TAF3: variants seen among roughly 807,000 people sequenced by gnomAD.
TAF3 encodes the protein transcription initiation factor TFIID subunit 3.
A neutral mutation model predicts 80.6 loss-of-function variants in TAF3; 7 were observed. The ratio of observed to expected loss-of-function variants is 0.09; its 90% CI spans 0.05 to 0.16. The LOEUF (loss-of-function observed/expected upper bound fraction) is 0.16, where lower values mean the gene tolerates loss of function less well. TAF3 is among the 10% of genes least tolerant of loss of function. The pLI, the probability that TAF3 is intolerant of heterozygous loss-of-function variation, is 1.00. For synonymous variants in TAF3, 444 were observed against 446.1 expected (o/e 1.00, Z 0.06); for missense variants, 921 against 1,140.2 (o/e 0.81, Z 2.77).
chr10:7,832,721 T>C, intron 2 of TAF3, among the ~76,000 whole-genome samples: 1 of 152,080 alleles, frequency 6.6e-6, no homozygotes, highest in East Asian at 1.9e-4. Flanking sequence ...GGCTAATTTT[T>C]GTGTTTTTAG....
chr10:7,956,667 T>A (rs1838138885), intron 2 of TAF3, among the ~76,000 whole-genome samples: 1 of 152,218 alleles, frequency 6.6e-6, no homozygotes, highest in African/African-American at 2.4e-5. Flanking sequence ...GCTGTGGTGA[T>A]GAATTTGTGC....
chr10:7,933,973 G>A (rs1837893150), intron 2 of TAF3, among the ~76,000 whole-genome samples: 1 of 152,170 alleles, frequency 6.6e-6, no homozygotes, highest in South Asian at 2.1e-4. Flanking sequence ...CTGCACACAT[G>A]CACCGAAACC....
chr10:7,864,972 G>A (rs948008093), intron 2 of TAF3, among the ~76,000 whole-genome samples: 17 of 152,152 alleles, frequency 1.1e-4, no homozygotes, highest in African/African-American at 4.1e-4. Flanking sequence ...CTGGGAGAAT[G>A]AATGTCAAAG....
intron 2 of TAF3, among the ~76,000 whole-genome samples, chr10:7,856,133 T>A (rs916783938): frequency 6.6e-6 from 1 of 152,080 alleles, no homozygotes; most frequent in Non-Finnish European, 1.5e-5. Flanking sequence ...GAAATTTTTT[T>A]AAAATGCAGT....
chr10:7,982,611 A>G (rs1006735605), intron 4 of TAF3, among the ~76,000 whole-genome samples: 9 of 152,078 alleles, frequency 5.9e-5, no homozygotes, highest in African/African-American at 1.4e-4. Flanking sequence ...TGTTGCCCAG[A>G]CTGGTCTCAA....
chr10:7,889,887 G>A (rs561561606), intron 2 of TAF3, among the ~76,000 whole-genome samples: 1 of 152,196 alleles, frequency 6.6e-6, no homozygotes, highest in South Asian at 2.1e-4. Flanking sequence ...AATGCCACAG[G>A]TCCTGTTCTC....
At chr10:7,885,377 T>G (rs892246272) in intron 2 of TAF3, among the ~76,000 whole-genome samples, 3 of 152,188 alleles carry the variant, frequency 2.0e-5, no homozygotes, top group Non-Finnish European at 4.4e-5. Flanking sequence ...CCATTTATAT[T>G]TCTTTTTTAG....
At chr10:7,927,198 A>G (rs758499049) in intron 2 of TAF3, among the ~76,000 whole-genome samples, 1 of 152,212 alleles carries the variant, frequency 6.6e-6, no homozygotes, top group Non-Finnish European at 1.5e-5. Flanking sequence ...ATTAATTTCA[A>G]ATGGTTTTGA....
At chr10:7,914,193 C>T (rs1837683801) in intron 2 of TAF3, among the ~76,000 whole-genome samples, 2 of 152,218 alleles carry the variant, frequency 1.3e-5, no homozygotes, top group South Asian at 2.1e-4. Context: ...TATACATATT[C>T]TTAAAATACC....
intron 3 of TAF3, among the ~76,000 whole-genome samples, chr10:7,966,895 A>G (rs1447020746): frequency 6.6e-6 from 1 of 152,250 alleles, no homozygotes; most frequent in Non-Finnish European, 1.5e-5. Flanking sequence ...TTCTGATATC[A>G]ATAACTGAAC....
chr10:7,919,035 A>G (rs1837739029), intron 2 of TAF3, among the ~76,000 whole-genome samples: 1 of 152,178 alleles, frequency 6.6e-6, no homozygotes, highest in South Asian at 2.1e-4. Context: ...AGGTGAAGGG[A>G]ACAGTTAGAA....
chr10:7,827,636 T>A (rs778246401), intron 2 of TAF3, among the ~76,000 whole-genome samples: 1 of 151,924 alleles, frequency 6.6e-6, no homozygotes, highest in Non-Finnish European at 1.5e-5. Flanking sequence ...AAATATTAGC[T>A]GGGCGTGGTG....
At chr10:8,007,154 T>A (rs910497547) in intron 4 of TAF3, among the ~76,000 whole-genome samples, 1 of 152,124 alleles carries the variant, frequency 6.6e-6, no homozygotes, top group African/African-American at 2.4e-5. Flanking sequence ...TTCAGTAGGA[T>A]GATGGACAAA....
chr10:7,871,209 A>C (rs1181688287), intron 2 of TAF3, among the ~76,000 whole-genome samples: 1 of 152,078 alleles, frequency 6.6e-6, no homozygotes, highest in East Asian at 1.9e-4. Context: ...TATTTCTTGT[A>C]AATCAGACTT....
intron 2 of TAF3, chr10:7,833,674 G>A (rs905109544): frequency 1.6e-5 from 3 of 184,484 alleles, no homozygotes; most frequent in African/African-American, 2.4e-5. Flanking sequence ...CATATGTGGA[G>A]GAGCCAGGCA....
chr10:7,846,345 A>G (rs1836972795), intron 2 of TAF3, among the ~76,000 whole-genome samples: 1 of 152,178 alleles, frequency 6.6e-6, no homozygotes, highest in South Asian at 2.1e-4. Context: ...AATATAGAAT[A>G]CCCATTATAT....
intron 4 of TAF3, among the ~76,000 whole-genome samples, chr10:8,008,332 C>G (rs1183918609): frequency 1.3e-5 from 2 of 152,150 alleles, no homozygotes; most frequent in South Asian, 4.2e-4. Flanking sequence ...CTCTCGACCT[C>G]AGGTAATCCA....
intron 2 of TAF3, among the ~76,000 whole-genome samples, chr10:7,913,362 C>A (rs142687268): frequency 2.0e-5 from 3 of 152,312 alleles, no homozygotes; most frequent in Non-Finnish European, 2.9e-5. Flanking sequence ...CCAAGTCACA[C>A]AGCAGCCACT....
At chr10:7,872,657 C>T (rs1159350392) in intron 2 of TAF3, among the ~76,000 whole-genome samples, 1 of 152,140 alleles carries the variant, frequency 6.6e-6, no homozygotes, top group Non-Finnish European at 1.5e-5. Flanking sequence ...CTAATTCTTG[C>T]AGGGTTTTCA....
Sources: gnomAD v4.1 joint callset for allele counts (sites outside exome capture counted in the v4.1 genomes callset) on GRCh38, gnomAD v4.1.1 for gene constraint, MANE v1.5 for transcripts, NCBI Gene and HGNC (gene_info 2026-07-23, HGNC 2026-07-21) for gene names.